ABCA3: variants seen among roughly 807,000 people sequenced by gnomAD.
The protein encoded by ABCA3 is phospholipid-transporting ATPase ABCA3.
A neutral mutation model predicts 172.8 loss-of-function variants in ABCA3; 88 were observed. That is an observed-to-expected ratio of 0.51 (90% confidence interval 0.43 to 0.61). The LOEUF (loss-of-function observed/expected upper bound fraction) is 0.61. ABCA3 is among the 20% of genes least tolerant of loss of function. The pLI, the probability that ABCA3 is intolerant of heterozygous loss-of-function variation, is 0.00. For missense variants in ABCA3, 2,164 were observed against 2,301.0 expected (o/e 0.94, Z 1.22); for synonymous variants, 1,066 against 983.8 (o/e 1.08, Z -1.56).
intron 12 of ABCA3, among the ~76,000 whole-genome samples, chr16:2,303,750 C>T (rs956106503): frequency 3.9e-5 from 6 of 152,114 alleles, no homozygotes; most frequent in African/African-American, 4.8e-5. Context: ...GGCTCTGAAG[C>T]GGAAGGATTA....
Position 2,283,575 on chromosome 16 carries a change from C to T in ABCA3, c.3863-217G>A, listed in dbSNP as rs2093658366. 3.5e-6 allele frequency: 2 copies of T among 565,970 alleles called. No homozygotes were observed. The highest frequency in any genetic ancestry group is 6.3e-6 in the Non-Finnish European group (2 of 319,226). 35.1% of individuals were successfully genotyped at this position (565,970 alleles called of 1,614,324 possible). On this transcript the variant is annotated intron_variant, in intron 25 of 32. Transcript: ENST00000301732. The surrounding 1 kb of genome is among the most constrained non-coding windows in gnomAD (Gnocchi z 5.4). ...TAACAATCCAATGCAGTCCCATGAG[C>T]GACATGGCAGACCCAGGGCAGCAAC...
rs2093654908 is a variant in ABCA3 at position 2,281,419 on chromosome 16, G to A, written c.4126C>T (p.Leu1376=). 1 of 1,613,662 alleles carries A rather than the reference G, an allele frequency of 6.2e-7. No individual in the cohort carries two copies. Among genetic ancestry groups the A allele is most frequent in the African/African-American group, 1.3e-5 (1 of 74,934 alleles). The change falls in exon 27 of 33, where the codon CTG becomes TTG. Residue 1376 remains leucine (L), a synonymous_variant. Coordinates refer to ENST00000301732, the MANE Select transcript of ABCA3 (RefSeq NM_001089.3). The surrounding 1 kb of genome is among the most constrained non-coding windows in gnomAD (Gnocchi z 4.7). ...TRILAPSPDS[L]LHTPLIIKEL... The stretch of plus-strand genomic sequence containing the variant: ...TTGATAATCAGAGGTGTGTGGAGCA[G>A]GGAGTCCGGACTGGGGGCCAGGATG...
intron 1 of ABCA3, among the ~76,000 whole-genome samples, chr16:2,330,752 G>A (rs2093741897): frequency 7.0e-6 from 1 of 142,350 alleles, no homozygotes; most frequent in Non-Finnish European, 1.5e-5. Flanking sequence ...AGGTTGGAGT[G>A]CAGTGCCGCG....
At position 2,284,310 on chromosome 16, in the gene ABCA3, G is replaced by C; in HGVS notation, c.3831C>G (p.Ser1277=). The C allele has an allele frequency of 6.2e-7, 1 of 1,613,792 alleles. No homozygotes were observed. Among genetic ancestry groups the C allele is most frequent in the Non-Finnish European group, 8.5e-7 (1 of 1,179,964 alleles). ...NYETRRYCTS[S]EVAAHYCKKY... is the part of the protein sequence containing the mutation. ...TCTTGCAGTAGTGGGCGGCGACCTC[G>C]GAGGAGGTGCAGTACCTCCGCGTCT... The change falls in exon 25 of 33, where the codon TCC becomes TCG. Residue 1277 remains serine, a synonymous_variant. Transcript: ENST00000301732. This position sits in a 1 kb window ranked among gnomAD's most constrained non-coding sequence, Gnocchi z 5.9.
rs763444483 is a variant in ABCA3 at position 2,285,441 on chromosome 16, CCAG to C, written c.3481_3483del (p.Leu1161del). On this transcript the variant is annotated inframe_deletion and splice_region_variant, in exon 23 of 33. Transcript: ENST00000301732. This position sits in a 1 kb window ranked among gnomAD's most constrained non-coding sequence, Gnocchi z 4.7. ...CGGATCCAGCACCCTCCGGCGCTCACCAGCAGCAGCAGACTGGGGATGAGGAAG... is the reference window on the plus strand; with the variant it reads ...CGGATCCAGCACCCTCCGGCGCTCACCAGCAGCAGACTGGGGATGAGGAAG... The C allele has an allele frequency of 6.2e-7, 1 of 1,608,372 alleles. No homozygotes were observed.
At chr16:2,309,089 G>A (rs988091740) in intron 10 of ABCA3, among the ~76,000 whole-genome samples, 4 of 152,150 alleles carry the variant, frequency 2.6e-5, no homozygotes, top group African/African-American at 9.7e-5. Flanking sequence ...GGGACTACAG[G>A]TGCCCGCCAC....
Position 2,328,659 on chromosome 16 carries a change from G to C in ABCA3, c.-233C>G, listed in dbSNP as rs1596868458. ...TCCACTCGCTACAACTGCAGGCAGA[G>C]AGGAGTCCTTCCCGCTCAGCGTCCT... On this transcript the variant is annotated 5_prime_UTR_variant, in exon 3 of 33. Coordinates refer to ENST00000301732, the MANE Select transcript of ABCA3 (RefSeq NM_001089.3). 2.2e-6 allele frequency: 1 copy of C among 456,642 alleles called. No homozygotes were observed. The highest frequency in any genetic ancestry group is 4.4e-6 in the Non-Finnish European group (1 of 226,708). 28.3% of individuals were successfully genotyped at this position (456,642 alleles called of 1,614,324 possible).
chr16:2,319,615 C>A lies in ABCA3; in HGVS notation c.839G>T (p.Arg280Leu). The A allele has an allele frequency of 6.2e-7, 1 of 1,613,172 alleles. No individual in the cohort carries two copies. Among genetic ancestry groups the A allele is most frequent in the Non-Finnish European group, 8.5e-7 (1 of 1,179,990 alleles). The change falls in exon 8 of 33, where the codon CGT (arginine) becomes CTT (leucine). Residue 280 changes from arginine (R) to leucine (L), a missense_variant. Transcript: ENST00000301732. ...SFTYTALTIA[R>L]AVVQEKERRL... ...CCTTTCCTTCTCCTGCACGACAGCA[C>A]GGGCAATGGTGAGCGCGGTGTAGGT...
chr16:2,278,039 C>T lies in ABCA3; in HGVS notation c.4749G>A (p.Arg1583=). The T allele has an allele frequency of 1.2e-6, 2 of 1,613,396 alleles. No homozygotes were observed. The highest frequency in any genetic ancestry group is 8.5e-7 in the Non-Finnish European group (1 of 1,180,022). ...ACTGCCCCTGCACCATGATGGCCAG[C>T]CGGGTGCACAGGGCCTCACACTCCT... ...SMEECEALCT[R]LAIMVQGQFK... Residue 1583 remains arginine (R), a synonymous_variant, in exon 31 of 33, where the codon CGG becomes CGA. Transcript: ENST00000301732. The surrounding 1 kb of genome is among the most constrained non-coding windows in gnomAD (Gnocchi z 4.4).
intron 6 of ABCA3, 41 bp downstream of exon 6, chr16:2,324,363 G>T: frequency 6.4e-7 from 1 of 1,557,246 alleles, no homozygotes; most frequent in African/African-American, 1.3e-5. Context: ...CGGAGGCCTT[G>T]CTGATGGGCT....
chr16:2,319,933 G>A, intron 7 of ABCA3, 93 bp from the exon 8 acceptor site: 1 of 1,553,278 alleles, frequency 6.4e-7, no homozygotes, highest in East Asian at 2.3e-5. Context: ...GGGAAGAGAT[G>A]CTTGGGGCAA....
intron 18 of ABCA3, 27 bp from the exon 19 acceptor site, chr16:2,292,265 T>TC (rs1567341241): frequency 6.3e-7 from 1 of 1,580,932 alleles, no homozygotes; most frequent in Non-Finnish European, 8.7e-7. Flanking sequence ...GCATTATGAG[T>TC]CACTTCTCAG....
At position 2,300,052 on chromosome 16, in the gene ABCA3, C is replaced by T. The variant is rs370347086; in HGVS notation, c.1564G>A (p.Glu522Lys). Residue 522 changes from glutamate (E) to lysine (K), a missense_variant, in exon 13 of 33, where the codon GAG becomes AAG. By Grantham distance (56) the Glu-to-Lys change is moderately conservative. Coordinates refer to ENST00000301732, the MANE Select transcript of ABCA3 (RefSeq NM_001089.3). ...ATCCCCGCCACCAGGTCCTCTGGCT[C>T]GGCTTCAAAGTACTCGTTTCTGAGT... ...KALRNEYFEA[E>K]PEDLVAGIKI... is the part of the protein sequence containing the mutation. The T allele has an allele frequency of 4.0e-5, 64 of 1,613,414 alleles. No individual in the cohort carries two copies. The highest frequency in any genetic ancestry group is 1.6e-4 in the Middle Eastern group (1 of 6,084).
At chr16:2,322,059 G>A (rs1477405404) in intron 7 of ABCA3, among the ~76,000 whole-genome samples, 4 of 152,042 alleles carry the variant, frequency 2.6e-5, no homozygotes, top group East Asian at 1.9e-4. Flanking sequence ...TTAGCTGGGC[G>A]TGGTGGTGTG....
intron 10 of ABCA3, among the ~76,000 whole-genome samples, chr16:2,312,402 G>A (rs2093707972): frequency 6.6e-6 from 1 of 151,920 alleles, no homozygotes; most frequent in Non-Finnish European, 1.5e-5. Context: ...TTCAGTACAA[G>A]TACTTTATGT....
In ABCA3 at chr16:2,319,858, G is replaced by A. The variant is rs1476963882; in HGVS notation, c.614-18C>T. 3 of 1,612,986 alleles carry A rather than the reference G, an allele frequency of 1.9e-6. No individual in the cohort carries two copies. The highest frequency in any genetic ancestry group is 1.7e-5 in the Admixed American group (1 of 60,008). ...GATGTACCCTGGGTGCGGGAGCAGA[G>A]GATGGCCCAGCCACCTCGAGGAGCT... On this transcript the variant is annotated intron_variant, in intron 7 of 32. Coordinates refer to ENST00000301732, the MANE Select transcript of ABCA3 (RefSeq NM_001089.3).
intron 18 of ABCA3, 81 bp from the exon 19 acceptor site, chr16:2,292,319 G>T: frequency 8.1e-7 from 1 of 1,236,588 alleles, no homozygotes; most frequent in Non-Finnish European, 1.2e-6. Flanking sequence ...CCCCCCCTCG[G>T]CCAGGCACAG....
At chr16:2,305,664 G>A (rs1390832565) in intron 11 of ABCA3, among the ~76,000 whole-genome samples, 1 of 151,976 alleles carries the variant, frequency 6.6e-6, no homozygotes, top group Non-Finnish European at 1.5e-5. Flanking sequence ...TCCTGACCTC[G>A]AGTAATCCAC....
rs574182515 is a variant in ABCA3, at chr16:2,278,043, G to C, written c.4745C>G (p.Thr1582Ser). The change falls in exon 31 of 33, where the codon ACC becomes AGC. Residue 1582 changes from threonine (T) to serine (S), a missense_variant. Around this residue, in one of 3 missense-constraint regions of ABCA3, gnomAD observed 795 missense variants for 881.9 expected, o/e 0.90. Coordinates refer to ENST00000301732, the MANE Select transcript of ABCA3 (RefSeq NM_001089.3). This position sits in a 1 kb window ranked among gnomAD's most constrained non-coding sequence, Gnocchi z 4.4. ...CCCCTGCACCATGATGGCCAGCCGG[G>C]TGCACAGGGCCTCACACTCCTCCAT... ...HSMEECEALC[T>S]RLAIMVQGQF... The C allele has an allele frequency of 2.4e-5, 39 of 1,613,450 alleles. No individual in the cohort carries two copies. Among genetic ancestry groups the C allele is most frequent in the South Asian group, 1.2e-4 (11 of 91,086 alleles).
Sources: allele counts gnomAD v4.1 joint callset (sites outside exome capture counted in the v4.1 genomes callset), GRCh38; gene constraint gnomAD v4.1.1; regional missense constraint gnomAD v4.1.1; non-coding constraint Gnocchi (gnomAD v3.1); transcripts MANE v1.5; gene names NCBI Gene and HGNC (gene_info 2026-07-23, HGNC 2026-07-21).